The following CAMLG variants were observed in gnomAD, a reference collection of about 807,000 sequenced individuals.
The protein encoded by CAMLG is guided entry of tail-anchored proteins factor CAMLG.
A neutral mutation model predicts 28.9 loss-of-function variants in CAMLG; 23 were observed. The observed-to-expected ratio is 0.80, with a 90% CI of 0.57 to 1.13. CAMLG has a LOEUF of 1.13. Among genes scored for constraint, CAMLG ranks in the 50% most tolerant of loss-of-function variants. The pLI is 0.00. For synonymous variants in CAMLG, 141 were observed against 146.5 expected (o/e 0.96, Z 0.27); for missense variants, 367 against 371.9 (o/e 0.99, Z 0.11).
chr5:134,746,902 A>G (rs59144678), intron 3 of CAMLG, among the ~76,000 whole-genome samples: 1,917 of 152,166 alleles, frequency 0.013, 39 homozygotes, highest in African/African-American at 0.044. Context: ...AACCTGGCCA[A>G]CATGGTGAAA....
chr5:134,740,868 A>G (rs867995324), intron 1 of CAMLG, among the ~76,000 whole-genome samples, 195 bp from the exon 2 acceptor site: 3 of 152,170 alleles, frequency 2.0e-5, no homozygotes, highest in South Asian at 4.1e-4. Context: ...TCAGCCTCCC[A>G]AAGTGTTGGG....
chr5:134,742,750 CT>C lies in CAMLG; in HGVS notation c.634-1226del, dbSNP rs879560904. On this transcript the variant is annotated intron_variant, in intron 2 of 3. Transcript: ENST00000297156. ...ATTAAGCAAAACAGTTTTTGTAAAT[CT>C]TTTTTTTTTTGAGGTGGAGTTTCTT... is the stretch of plus-strand genomic sequence containing the variant. Among the ~76,000 whole-genome samples the C allele has an allele frequency of 2.7e-4, 39 of 146,594 alleles. 1 individual carries two copies. The highest frequency in any genetic ancestry group is 4.3e-4 in the South Asian group (2 of 4,620).
intron 3 of CAMLG, among the ~76,000 whole-genome samples, chr5:134,746,684 TC>T (rs1753053976): frequency 6.6e-6 from 1 of 151,994 alleles, no homozygotes; most frequent in Non-Finnish European, 1.5e-5. Context: ...ACCGTGTTGG[TC>T]AGTCTGGTCT....
intron 1 of CAMLG, 117 bp downstream of exon 1, chr5:134,738,909 T>A: frequency 1.0e-6 from 1 of 980,650 alleles, no homozygotes. Flanking sequence ...CTCTTTGATT[T>A]CCTCTCTGTC....
At chr5:134,745,435 CAA>C (rs561389879) in intron 3 of CAMLG, among the ~76,000 whole-genome samples, 9 of 81,500 alleles carry the variant, frequency 1.1e-4, no homozygotes, top group Admixed American at 1.5e-4. Context: ...CGAGACTCCT[CAA>C]AAAAAAAAAA....
In CAMLG at chr5:134,738,790, CG is replaced by C. The variant is rs1752949949; in HGVS notation, c.172+1del. ...IMGFHRPGSG[A>X]EEESQTKSKQ... ...GGCTTTCACAGGCCCGGGAGCGGCG[CG>C]GGTAAGAGCCTCGATTTCCCCTCAG... On this transcript the variant is annotated frameshift_variant and splice_region_variant, in exon 1 of 4. Coordinates refer to ENST00000297156, the MANE Select transcript of CAMLG (RefSeq NM_001745.4). LOFTEE classifies it high-confidence loss of function. The C allele has an allele frequency of 3.7e-6, 6 of 1,613,938 alleles. No individual in the cohort carries two copies. Among genetic ancestry groups the C allele is most frequent in the Non-Finnish European group, 5.1e-6 (6 of 1,179,938 alleles).
At position 134,743,983 on chromosome 5, in the gene CAMLG, A is replaced by C. The variant is rs758027791; in HGVS notation, c.634-4A>C. ...ATATTTAATTTTATCTTCTATCTTC[A>C]CAGTCCATATTTGCTCCATTTCTTA... On this transcript the variant is annotated splice_region_variant and splice_polypyrimidine_tract_variant and intron_variant, in intron 2 of 3. Transcript: ENST00000297156. 7.8e-7 allele frequency: 1 copy of C among 1,287,772 alleles called. No homozygotes were observed. Among genetic ancestry groups the C allele is most frequent in the South Asian group, 1.2e-5 (1 of 80,648 alleles). The allele number at this position is 1,287,772 out of a possible 1,614,324, so 79.8% of individuals were successfully genotyped here. A position where few individuals can be genotyped will look rare whatever the true frequency, so the allele number is the denominator to read the frequency against.
At chr5:134,748,915 A>C (rs1382771507) in intron 3 of CAMLG, among the ~76,000 whole-genome samples, 1 of 152,090 alleles carries the variant, frequency 6.6e-6, no homozygotes, top group East Asian at 1.9e-4. Flanking sequence ...TGGCTCAGTA[A>C]TACTACATTG....
At chr5:134,746,013 C>T (rs1249514872) in intron 3 of CAMLG, among the ~76,000 whole-genome samples, 3 of 151,476 alleles carry the variant, frequency 2.0e-5, no homozygotes, top group South Asian at 2.1e-4. Flanking sequence ...TGGCGCATGC[C>T]TGTAATCCCA....
intron 3 of CAMLG, among the ~76,000 whole-genome samples, chr5:134,747,040 A>G (rs1316577526): frequency 6.6e-6 from 1 of 152,010 alleles, no homozygotes; most frequent in Non-Finnish European, 1.5e-5. Context: ...GAGCCAAGAC[A>G]GCGCCACTGC....
chr5:134,739,474 T>C (rs941452332), intron 1 of CAMLG, among the ~76,000 whole-genome samples: 2 of 152,204 alleles, frequency 1.3e-5, no homozygotes, highest in African/African-American at 4.8e-5. Flanking sequence ...ATTGTTGTGA[T>C]TGATGTCTGG....
intron 2 of CAMLG, 133 bp downstream of exon 2, chr5:134,741,656 T>C (rs1246448014): frequency 9.4e-6 from 6 of 640,102 alleles, no homozygotes; most frequent in Admixed American, 5.7e-5. Context: ...TTTGAAGATA[T>C]ATTATTAACT....
At position 134,752,125 on chromosome 5, in the gene CAMLG, G is replaced by C. The variant is rs1433973465; in HGVS notation, c.*1175G>C. The C allele has an allele frequency of 6.6e-6, 1 of 152,128 alleles. No individual in the cohort carries two copies. The highest frequency in any genetic ancestry group is 2.4e-5 in the African/African-American group (1 of 41,434). 9.4% of individuals were successfully genotyped at this position (152,128 alleles called of 1,614,324 possible). A position where few individuals can be genotyped will look rare whatever the true frequency, so the allele number is the denominator to read the frequency against. ...GTATAGTCTAATTTGGTTAATCCTT[G>C]TGACATTAAAAACACATACACTTTT... On this transcript the variant is annotated 3_prime_UTR_variant, in exon 4 of 4. Coordinates refer to ENST00000297156, the MANE Select transcript of CAMLG (RefSeq NM_001745.4).
Position 134,741,076 on chromosome 5 carries a change from A to G in CAMLG, c.186A>G (p.Gln62=). The G allele has an allele frequency of 6.2e-7, 1 of 1,610,634 alleles. No individual in the cohort carries two copies. The highest frequency in any genetic ancestry group is 8.5e-7 in the Non-Finnish European group (1 of 1,176,958). ...TTCTTTTCTCAGAAGAAGAAAGTCAAACAAAATCAAAGCAGCAGGACAGTG... is the reference window on the plus strand; with the variant it reads ...TTCTTTTCTCAGAAGAAGAAAGTCAGACAAAATCAAAGCAGCAGGACAGTG... ...RPGSGAEEES[Q]TKSKQQDSDK... Residue 62 remains glutamine (Q), a synonymous_variant, in exon 2 of 4, where the codon CAA becomes CAG. Transcript: ENST00000297156.
chr5:134,750,720 T>C, intron 3 of CAMLG, 39 bp from the exon 4 acceptor site: 1 of 1,469,294 alleles, frequency 6.8e-7, no homozygotes, highest in Non-Finnish European at 9.5e-7. Context: ...TGTAGCCTGC[T>C]GAAACTTTGA....
chr5:134,740,299 G>A (rs1752967250), intron 1 of CAMLG, among the ~76,000 whole-genome samples: 1 of 152,112 alleles, frequency 6.6e-6, no homozygotes, highest in South Asian at 2.1e-4. Flanking sequence ...TTTGGGATAT[G>A]CCACACCCTA....
At chr5:134,744,691 A>G (rs1366162488) in intron 3 of CAMLG, among the ~76,000 whole-genome samples, 1 of 152,240 alleles carries the variant, frequency 6.6e-6, no homozygotes, top group Non-Finnish European at 1.5e-5. Flanking sequence ...TAGTAAATTT[A>G]GTAATTCATT....
chr5:134,738,847 T>G, intron 1 of CAMLG, 55 bp downstream of exon 1: 1 of 1,563,628 alleles, frequency 6.4e-7, no homozygotes, highest in Non-Finnish European at 8.8e-7. Context: ...ATCTTCAGGG[T>G]CATTCTTCCC....
At chr5:134,739,831 A>T (rs1752962290) in intron 1 of CAMLG, among the ~76,000 whole-genome samples, 1 of 152,128 alleles carries the variant, frequency 6.6e-6, no homozygotes, top group African/African-American at 2.4e-5. Context: ...TACCTGAGGT[A>T]CTTTCTATAT....
Sources: allele counts gnomAD v4.1 joint callset (sites outside exome capture counted in the v4.1 genomes callset), GRCh38; gene constraint gnomAD v4.1.1; transcripts MANE v1.5; gene names NCBI Gene and HGNC (gene_info 2026-07-23, HGNC 2026-07-21).